The following TUSC3 variants were observed in gnomAD, a reference collection of about 807,000 sequenced individuals.
TUSC3 encodes the protein dolichyl-diphosphooligosaccharide--protein glycosyltransferase subunit TUSC3.
Under a neutral mutation model 44.8 loss-of-function variants are expected in TUSC3, and 45 were observed. The ratio of observed to expected loss-of-function variants is 1.00; its 90% CI spans 0.79 to 1.29. The LOEUF (loss-of-function observed/expected upper bound fraction) is 1.29, where lower values mean the gene tolerates loss of function less well. Ranked by LOEUF, TUSC3 falls within the 50% of genes most tolerant of loss-of-function variation. The pLI is 0.00. For synonymous variants in TUSC3, 212 were observed against 152.9 expected (o/e 1.39, Z -2.85); for missense variants, 519 against 437.9 (o/e 1.19, Z -1.65).
intron 3 of TUSC3, among the ~76,000 whole-genome samples, chr8:15,658,666 A>AAT (rs1393682013): frequency 6.6e-6 from 1 of 151,048 alleles, no homozygotes; most frequent in African/African-American, 2.4e-5. Flanking sequence ...ACACAAATAC[A>AAT]ATATATATAC....
At chr8:15,802,859 G>A in the TUSC3 span, among the ~76,000 whole-genome samples, 4 of 151,702 alleles carry the variant, frequency 2.6e-5, no homozygotes, top group South Asian at 6.3e-4. Context: ...CACTAACTGC[G>A]TTCATACTCG....
chr8:15,591,819 C>A (rs1416688838), intron 1 of TUSC3, among the ~76,000 whole-genome samples: 3 of 152,060 alleles, frequency 2.0e-5, no homozygotes, highest in African/African-American at 7.2e-5. Context: ...CATTGTAGCG[C>A]CTTCTTAGTA....
rs1554484844 is a variant in TUSC3 at position 15,738,829 on chromosome 8, T to TTTTTTTTTCTTTC, written c.863-4701_863-4700insCTTTCTTTTTTTT. Among the ~76,000 whole-genome samples the TTTTTTTTTCTTTC allele has an allele frequency of 6.8e-4, 80 of 117,722 alleles. 6 individuals are homozygous for TTTTTTTTTCTTTC. Among genetic ancestry groups the TTTTTTTTTCTTTC allele is most frequent in the South Asian group, 8.6e-4 (3 of 3,494 alleles). The allele number at this position is 117,722 out of a possible 152,430, so 77.2% of individuals were successfully genotyped here. ...AAAATTACTATTAATATATCTTGCT[T>TTTTTTTTTCTTTC]TTTTTTTTTTTTTTTTTTTTTGAGA... On this transcript the variant is annotated intron_variant, in intron 7 of 10. Coordinates refer to ENST00000503731, the MANE Select transcript of TUSC3 (RefSeq NM_006765.4).
At chr8:15,653,436 A>G (rs1254978950) in intron 3 of TUSC3, among the ~76,000 whole-genome samples, 1 of 152,234 alleles carries the variant, frequency 6.6e-6, no homozygotes, top group Non-Finnish European at 1.5e-5. Context: ...GGCTGCTGGT[A>G]TATAATCATA....
Position 15,766,519 on chromosome 8 carries a change from GA to G in TUSC3, c.*2368del, listed in dbSNP as rs397694181. On this transcript the variant is annotated 3_prime_UTR_variant, in exon 11 of 11. Coordinates refer to ENST00000503731, the MANE Select transcript of TUSC3 (RefSeq NM_006765.4). Reference sequence around the variant, plus strand: ...AATTGTTTTTCTACTACAGTGGAGAGAAAAATCCCAATTATAAAATTCCACC... The same window carrying G: ...AATTGTTTTTCTACTACAGTGGAGAGAAAATCCCAATTATAAAATTCCACC... 1.3e-5 allele frequency: 2 copies of G among 151,890 alleles called. No homozygotes were observed. Among genetic ancestry groups the G allele is most frequent in the African/African-American group, 4.8e-5 (2 of 41,372 alleles). The allele number at this position is 151,890 out of a possible 1,614,324, so 9.4% of individuals were successfully genotyped here. A position where few individuals can be genotyped will look rare whatever the true frequency, so the allele number is the denominator to read the frequency against.
chr8:15,575,660 C>T (rs956554825), intron 1 of TUSC3, among the ~76,000 whole-genome samples: 8 of 152,020 alleles, frequency 5.3e-5, no homozygotes, highest in South Asian at 4.2e-4. Context: ...CCAGGTACTC[C>T]GGAAGCTGAG....
chr8:15,786,392 A>C, the TUSC3 span, among the ~76,000 whole-genome samples: 2 of 152,242 alleles, frequency 1.3e-5, no homozygotes, highest in Non-Finnish European at 2.9e-5. Flanking sequence ...AAATATTTTA[A>C]TGTGTCTTTA....
chr8:15,565,043 A>G (rs1359600422), intron 1 of TUSC3, among the ~76,000 whole-genome samples: 1 of 152,148 alleles, frequency 6.6e-6, no homozygotes, highest in Non-Finnish European at 1.5e-5. Flanking sequence ...ACAAATTTAG[A>G]GGCTTAAAAC....
At chr8:15,557,032 G>T (rs1302461143) in intron 1 of TUSC3, among the ~76,000 whole-genome samples, 10 of 133,256 alleles carry the variant, frequency 7.5e-5, no homozygotes, top group East Asian at 2.5e-4. Flanking sequence ...GTCAATTTTG[G>T]CTTTTGTTGC....
intron 2 of TUSC3, among the ~76,000 whole-genome samples, chr8:15,489,592 T>C (rs999424726): frequency 3.3e-5 from 5 of 152,156 alleles, no homozygotes; most frequent in African/African-American, 1.2e-4. Context: ...GGGTGAGATA[T>C]TTCATTTCTT....
chr8:15,526,134 G>A (rs1585076231), intron 2 of TUSC3, among the ~76,000 whole-genome samples: 1 of 152,050 alleles, frequency 6.6e-6, no homozygotes, highest in African/African-American at 2.4e-5. Flanking sequence ...CAGGGTTCCC[G>A]CCATTCTTCT....
chr8:15,452,365 C>G (rs1304245359), intron 1 of TUSC3, among the ~76,000 whole-genome samples: 1 of 152,088 alleles, frequency 6.6e-6, no homozygotes, highest in Non-Finnish European at 1.5e-5. Context: ...AATTAAATAG[C>G]AAAAGATCAA....
chr8:15,438,896 G>A (rs1162398739), intron 1 of TUSC3, among the ~76,000 whole-genome samples: 1 of 152,180 alleles, frequency 6.6e-6, no homozygotes, highest in Non-Finnish European at 1.5e-5. Context: ...GTAATTTGAG[G>A]AGAGTTTAAT....
the TUSC3 span, among the ~76,000 whole-genome samples, chr8:15,817,933 G>C: frequency 6.6e-6 from 1 of 152,134 alleles, no homozygotes; most frequent in African/African-American, 2.4e-5. Flanking sequence ...TGATCCCAGA[G>C]TCAGGTCAAA....
chr8:15,651,148 T>A (rs1311243341), intron 3 of TUSC3: 1 of 294,126 alleles, frequency 3.4e-6, no homozygotes, highest in Non-Finnish European at 6.5e-6. Flanking sequence ...TTATGATAAA[T>A]TCATTTTAAC....
chr8:15,526,877 A>C (rs897598329), intron 2 of TUSC3, among the ~76,000 whole-genome samples: 1 of 152,190 alleles, frequency 6.6e-6, no homozygotes, highest in Non-Finnish European at 1.5e-5. Flanking sequence ...AAGGATTAGA[A>C]GAAAAGATAA....
rs1400112555 is a variant in TUSC3 at position 15,659,638 on chromosome 8, G to A, written c.558G>A (p.Thr186=). The part of the protein sequence containing the change: ...EQLAKWIADR[T]DVHIRVFRPP... The stretch of plus-strand genomic sequence containing the variant: ...TAGCAAAGTGGATTGCTGACAGAAC[G>A]GATGTTCATGTATGTTTTTATTCCT... Residue 186 remains threonine (T), a synonymous_variant, in exon 4 of 11, where the codon ACG becomes ACA. Coordinates refer to ENST00000503731, the MANE Select transcript of TUSC3 (RefSeq NM_006765.4). 5.0e-6 allele frequency: 8 copies of A among 1,612,578 alleles called. No homozygotes were observed. Among genetic ancestry groups the A allele is most frequent in the East Asian group, 2.2e-5 (1 of 44,814 alleles).
At chr8:15,465,825 A>AT (rs1800406470) in intron 1 of TUSC3, among the ~76,000 whole-genome samples, 1 of 152,048 alleles carries the variant, frequency 6.6e-6, no homozygotes. Flanking sequence ...GACTTGGTTG[A>AT]TTTTTCTCTC....
At chr8:15,576,332 T>C (rs1400063361) in intron 1 of TUSC3, among the ~76,000 whole-genome samples, 1 of 149,550 alleles carries the variant, frequency 6.7e-6, no homozygotes, top group Non-Finnish European at 1.5e-5. Context: ...TATTATACTT[T>C]AAGTTTTAGG....
Sources: gnomAD v4.1 joint callset for allele counts (sites outside exome capture counted in the v4.1 genomes callset) on GRCh38, gnomAD v4.1.1 for gene constraint, MANE v1.5 for transcripts, NCBI Gene and HGNC (gene_info 2026-07-23, HGNC 2026-07-21) for gene names.